DPP7: variants seen among roughly 807,000 people sequenced by gnomAD.
DPP7 encodes dipeptidyl peptidase 2.
In DPP7, 74 loss-of-function variants were observed where a neutral mutation model predicts 58.8. The observed-to-expected ratio is 1.26, with a 90% CI of 1.04 to 1.53. The LOEUF is 1.53. DPP7 is among the 40% of genes most tolerant of loss of function. The pLI is 0.00. For synonymous variants in DPP7, 350 were observed against 303.6 expected, an observed-to-expected ratio of 1.15 and a Z score of -1.59; for missense variants, 807 against 692.3, an observed-to-expected ratio of 1.17 and a Z score of -1.86.
In DPP7 at chr9:137,110,798, C is replaced by T. The variant is rs1831318899; in HGVS notation, c.1344-15G>A. Reference sequence around the variant, plus strand: ...GGTGGGAGGCTCTGGGGAGCGGGCACAGAGGGGGCCCGTCAGCCCCAGCCC... The same window carrying T: ...GGTGGGAGGCTCTGGGGAGCGGGCATAGAGGGGGCCCGTCAGCCCCAGCCC... On this transcript the variant is annotated splice_polypyrimidine_tract_variant and intron_variant, in intron 12 of 12. Coordinates refer to ENST00000371579, the MANE Select transcript of DPP7 (RefSeq NM_013379.3). The T allele has an allele frequency of 1.2e-6, 2 of 1,602,806 alleles. No homozygotes were observed. The highest frequency in any genetic ancestry group is 1.7e-6 in the Non-Finnish European group (2 of 1,178,824).
chr9:137,111,798 GC>G, intron 10 of DPP7, 44 bp from the exon 11 acceptor site: 1 of 1,613,424 alleles, frequency 6.2e-7, no homozygotes, highest in East Asian at 2.2e-5. Flanking sequence ...CCTCACGGGG[GC>G]TGTGAGCCAT....
In DPP7 at chr9:137,113,185, G is replaced by A. The variant is rs376213026; in HGVS notation, c.703+21C>T. 4.3e-5 allele frequency: 69 copies of A among 1,613,626 alleles called. 1 individual carries two copies. Among genetic ancestry groups the A allele is most frequent in the Non-Finnish European group, 5.8e-5 (68 of 1,179,940 alleles). ...GGCGCTGGGGCGGGTCAGGCAGTGG[G>A]AGGCGGTGGGAGGACCTCACCTCCC... On this transcript the variant is annotated intron_variant, in intron 6 of 12. Coordinates refer to ENST00000371579, the MANE Select transcript of DPP7 (RefSeq NM_013379.3).
chr9:137,111,090 G>GGGAA (rs1831340288), intron 11 of DPP7, 140 bp from the exon 12 acceptor site: 1 of 864,876 alleles, frequency 1.2e-6, no homozygotes. Flanking sequence ...AGCCAGAGAC[G>GGGAA]GAGGTGGGAA....
rs1831451150 is a variant in DPP7, at chr9:137,112,995, G to A, written c.828C>T (p.Tyr276=). The change falls in exon 7 of 13, where the codon TAC becomes TAT. Residue 276 remains tyrosine, a synonymous_variant. Coordinates refer to ENST00000371579, the MANE Select transcript of DPP7 (RefSeq NM_013379.3). ...FTVLAMMDYP[Y]PTDFLGPLPA... ...GGAGGGGACCCAGGAAGTCAGTGGG[G>A]TAGGGGTAGTCCATCATGGCCAGCA... 6.2e-7 allele frequency: 1 copy of A among 1,613,692 alleles called. No homozygotes were observed. Among genetic ancestry groups the A allele is most frequent in the African/African-American group, 1.3e-5 (1 of 75,076 alleles).
rs758510047 is a variant in DPP7 at position 137,114,456 on chromosome 9, G to A, written c.181+7C>T. Reference sequence around the variant, plus strand: ...CGGGGGCGGCCGGGCCGGGGCCGGGGTCTCACCCGACACCAGGAAGCGCTG... The same window carrying A: ...CGGGGGCGGCCGGGCCGGGGCCGGGATCTCACCCGACACCAGGAAGCGCTG... On this transcript the variant is annotated splice_region_variant and intron_variant, in intron 2 of 12. Coordinates refer to ENST00000371579, the MANE Select transcript of DPP7 (RefSeq NM_013379.3). 4 of 1,562,268 alleles carry A rather than the reference G, an allele frequency of 2.6e-6. No individual in the cohort carries two copies. In the African/African-American group the frequency reaches 4.1e-5, roughly 16 times the overall value.
At chr9:137,113,518 A>AG in intron 4 of DPP7, 22 bp from the exon 5 acceptor site, 1 of 1,528,938 alleles carries the variant, frequency 6.5e-7, no homozygotes. Flanking sequence ...ACACAGGGTT[A>AG]GGGCTGCTGC....
chr9:137,111,056 C>G, intron 11 of DPP7, 106 bp from the exon 12 acceptor site: 3 of 1,124,654 alleles, frequency 2.7e-6, no homozygotes, highest in Non-Finnish European at 3.9e-6. Context: ...AGACTCAGTG[C>G]CCATCAAGCA....
At chr9:137,118,224 A>G (rs138404580), upstream of DPP7, among the ~76,000 whole-genome samples, 866 of 150,792 alleles carry the variant, frequency 5.7e-3, 22 homozygotes, top group East Asian at 0.066. Flanking sequence ...CTGACCTCAG[A>G]TGATCTGTCA....
intron 10 of DPP7, 44 bp from the exon 11 acceptor site, chr9:137,111,798 G>C: frequency 6.2e-7 from 1 of 1,613,424 alleles, no homozygotes; most frequent in Non-Finnish European, 8.5e-7. Flanking sequence ...CCTCACGGGG[G>C]CTGTGAGCCA....
chr9:137,112,536 T>C (rs1831422670), intron 8 of DPP7: 1 of 693,898 alleles, frequency 1.4e-6, no homozygotes. Context: ...AAGCTGGGCC[T>C]GGCTACAGCC....
At chr9:137,113,615 C>T (rs776635590) in intron 4 of DPP7, 119 bp from the exon 5 acceptor site, 41 of 1,438,272 alleles carry the variant, frequency 2.9e-5, no homozygotes, top group Non-Finnish European at 3.5e-5. Context: ...CAAATTCCAA[C>T]CCTGGGCCAG....
Position 137,112,114 on chromosome 9 carries a change from G to GGC in DPP7, c.1047_1048insGC (p.Gln350AlafsTer9). Reference sequence around the variant, plus strand: ...CCAGGCCACCCACACCCCCACACCTGGTAGTCCCAGGCCCTGGCGTCGGGG... The same window carrying GGC: ...CCAGGCCACCCACACCCCCACACCTGGCGTAGTCCCAGGCCCTGGCGTCGGGG... On this transcript the variant is annotated frameshift_variant, in exon 9 of 13. Transcript: ENST00000371579. LOFTEE classifies it high-confidence loss of function. 1.2e-6 allele frequency: 2 copies of GGC among 1,611,682 alleles called. No homozygotes were observed. The highest frequency in any genetic ancestry group is 1.7e-6 in the Non-Finnish European group (2 of 1,179,534).
chr9:137,113,488 C>G lies in DPP7; in HGVS notation c.494G>C (p.Gly165Ala). Reference protein sequence around the residue: ...PAIAFGGSYGGMLSAYLRMKY... With the variant: ...PAIAFGGSYGAMLSAYLRMKY... The stretch of plus-strand genomic sequence containing the variant: ...CATCCTCAGGTAGGCACTGAGCATC[C>G]CCCCATAACTGGGTGAGGGACACAG... The change falls in exon 5 of 13, where the codon GGG becomes GCG. Residue 165 changes from glycine to alanine, a missense_variant. Around this residue, in one of 3 missense-constraint regions of DPP7, gnomAD observed 624 missense variants for 531.2 expected, o/e 1.17. Transcript: ENST00000371579. 6.4e-7 allele frequency: 1 copy of G among 1,564,642 alleles called. No individual in the cohort carries two copies. The highest frequency in any genetic ancestry group is 8.7e-7 in the Non-Finnish European group (1 of 1,153,908).
upstream of DPP7, among the ~76,000 whole-genome samples, chr9:137,117,863 C>T (rs1041277197): frequency 2.8e-4 from 43 of 152,302 alleles, no homozygotes; most frequent in African/African-American, 1.0e-3. Context: ...ACTATCTCAT[C>T]ACCCCCAGTA....
intron 9 of DPP7, 24 bp from the exon 10 acceptor site, chr9:137,112,053 A>T: frequency 6.2e-7 from 1 of 1,612,920 alleles, no homozygotes; most frequent in Non-Finnish European, 8.5e-7. Flanking sequence ...AGCCTGAGTC[A>T]GGCCAGCCCA....
upstream of DPP7, among the ~76,000 whole-genome samples, chr9:137,117,112 G>T (rs144912072): frequency 2.6e-5 from 4 of 152,190 alleles, no homozygotes; most frequent in Non-Finnish European, 5.9e-5. Context: ...ACTGAGCGCC[G>T]TCTCCTGGGC....
Position 137,112,023 on chromosome 9 carries a change from T to G in DPP7, c.1057A>C (p.Thr353Pro), listed in dbSNP as rs1417958058. The G allele has an allele frequency of 6.2e-7, 1 of 1,613,462 alleles. No individual in the cohort carries two copies. The change falls in exon 10 of 13, where the codon ACC becomes CCC. Residue 353 changes from threonine to proline, a missense_variant. Transcript: ENST00000371579. ...DARAWDYQAC[T>P]EINLTFASNN... Reference sequence around the variant, plus strand: ...CTGGCGAAGGTCAGGTTGATCTCGGTGCAGGCCTGCAGGTGCCCCAGCCTG... The same window carrying G: ...CTGGCGAAGGTCAGGTTGATCTCGGGGCAGGCCTGCAGGTGCCCCAGCCTG...
intron 8 of DPP7, chr9:137,112,440 C>T (rs10870181): frequency 6.3e-5 from 39 of 623,788 alleles, no homozygotes; most frequent in Non-Finnish European, 8.9e-5. Context: ...AGGGCCCCCC[C>T]GCTCTCCACG....
rs1040228378 is a variant in DPP7, at chr9:137,112,879, G to A, written c.870+74C>T. ...CCGCCTCCCTGGCTCCCAGGATGAG[G>A]GTCAGGCCGCTGACCACCAGCCTCG... On this transcript the variant is annotated intron_variant, in intron 7 of 12. Coordinates refer to ENST00000371579, the MANE Select transcript of DPP7 (RefSeq NM_013379.3). The A allele has an allele frequency of 1.6e-5, 25 of 1,601,814 alleles. 1 individual carries two copies. Among genetic ancestry groups the A allele is most frequent in the South Asian group, 1.6e-4 (14 of 90,026 alleles).
Sources: gnomAD v4.1 joint callset for allele counts (sites outside exome capture counted in the v4.1 genomes callset) on GRCh38, gnomAD v4.1.1 for gene constraint, gnomAD v4.1.1 regional missense constraint, MANE v1.5 for transcripts, NCBI Gene and HGNC (gene_info 2026-07-23, HGNC 2026-07-21) for gene names.